The following FBXL13 variants were observed in gnomAD, a reference collection of about 807,000 sequenced individuals.
FBXL13 encodes F-box and leucine rich repeat protein 13.
Under a neutral mutation model 83.6 loss-of-function variants are expected in FBXL13, and 67 were observed. That is an observed-to-expected ratio of 0.80 (90% CI 0.66 to 0.98). FBXL13 has a LOEUF of 0.98. Ranked by LOEUF, FBXL13 falls within the 50% of genes least tolerant of loss-of-function variation. The probability of loss-of-function intolerance (pLI) is 0.00; values close to 1 mark genes in which losing one functional copy is unlikely to be tolerated. For synonymous variants in FBXL13, 272 were observed against 299.5 expected, an observed-to-expected ratio of 0.91 and a Z score of 0.95; for missense variants, 822 against 866.5, an observed-to-expected ratio of 0.95 and a Z score of 0.64.
intron 2 of FBXL13, chr7:103,055,133 C>G: frequency 7.8e-7 from 1 of 1,289,158 alleles, no homozygotes; most frequent in African/African-American, 1.5e-5. Flanking sequence ...AAGTTTCAGA[C>G]AATCTTCGAA....
chr7:102,933,819 T>G, intron 8 of FBXL13: 1 of 1,319,426 alleles, frequency 7.6e-7, no homozygotes, highest in Non-Finnish European at 1.0e-6. Context: ...GTTCCAGAAC[T>G]GCATTAGTTA....
At chr7:102,834,081 G>GAAGGAAGGAAGGAAGGA (rs1801273815) in intron 17 of FBXL13, among the ~76,000 whole-genome samples, 1 of 84,920 alleles carries the variant, frequency 1.2e-5, no homozygotes, top group African/African-American at 5.9e-5. Flanking sequence ...AGGAAGGAAG[G>GAAGGAAGGAAGGAAGGA]AAAGAAAAGA....
At chr7:103,030,470 CAG>C (rs1202827383) in intron 2 of FBXL13, among the ~76,000 whole-genome samples, 2 of 152,070 alleles carry the variant, frequency 1.3e-5, no homozygotes, top group Non-Finnish European at 2.9e-5. Context: ...GATATTACAG[CAG>C]GCAGAATAAA....
chr7:102,852,709 G>A (rs1417251855), intron 17 of FBXL13, among the ~76,000 whole-genome samples: 1 of 152,184 alleles, frequency 6.6e-6, no homozygotes, highest in Non-Finnish European at 1.5e-5. Context: ...CAGGGATGCA[G>A]TGAAAAGGGA....
intron 11 of FBXL13, among the ~76,000 whole-genome samples, chr7:102,903,298 T>A (rs2129466152): frequency 6.6e-6 from 1 of 152,280 alleles, no homozygotes; most frequent in African/African-American, 2.4e-5. Context: ...ATTTATCAGT[T>A]CTAATAGTTT....
intron 2 of FBXL13, among the ~76,000 whole-genome samples, chr7:103,032,786 T>A (rs1212544756): frequency 1.1e-4 from 16 of 152,182 alleles, no homozygotes; most frequent in Admixed American, 1.0e-3. Context: ...TCCCAAAACG[T>A]TGGATGGCTG....
chr7:103,046,281 T>C (rs879733023), intron 2 of FBXL13, among the ~76,000 whole-genome samples: 2 of 152,358 alleles, frequency 1.3e-5, no homozygotes, highest in South Asian at 4.1e-4. Context: ...TTATTTAGCA[T>C]AACTTTCACA....
intron 6 of FBXL13, among the ~76,000 whole-genome samples, chr7:103,000,659 AT>A (rs1347277370): frequency 6.6e-6 from 1 of 152,142 alleles, no homozygotes; most frequent in Non-Finnish European, 1.5e-5. Context: ...TGTCGGCATG[AT>A]TTGTCCATTA....
At chr7:103,033,891 A>G (rs1286153660) in intron 2 of FBXL13, among the ~76,000 whole-genome samples, 1 of 152,114 alleles carries the variant, frequency 6.6e-6, no homozygotes, top group Non-Finnish European at 1.5e-5. Flanking sequence ...CAGGGCGCTG[A>G]TTGGTGTGTT....
At chr7:103,013,600 C>T (rs1260335876) in intron 6 of FBXL13, among the ~76,000 whole-genome samples, 1 of 151,954 alleles carries the variant, frequency 6.6e-6, no homozygotes, top group African/African-American at 2.4e-5. Context: ...AAAAAAGATA[C>T]AAGATATCAG....
chr7:103,062,272 TTGTC>T (rs995561270), intron 1 of FBXL13, among the ~76,000 whole-genome samples: 32 of 152,286 alleles, frequency 2.1e-4, no homozygotes, highest in East Asian at 7.7e-4. Context: ...CAGTCCTTGT[TTGTC>T]TGTAAACAAT....
At chr7:103,022,872 C>A (rs1317717691) in intron 6 of FBXL13, among the ~76,000 whole-genome samples, 4 of 152,142 alleles carry the variant, frequency 2.6e-5, no homozygotes, top group Admixed American at 2.6e-4. Flanking sequence ...AAACTATCAA[C>A]AGAATAAACA....
chr7:102,937,892 A>G (rs1010307173), intron 8 of FBXL13, among the ~76,000 whole-genome samples: 1 of 152,232 alleles, frequency 6.6e-6, no homozygotes, highest in Non-Finnish European at 1.5e-5. Context: ...ACTTGCATAC[A>G]GATTCCCCAA....
chr7:102,811,687 T>C (rs144331235), downstream of FBXL13, among the ~76,000 whole-genome samples: 15 of 152,336 alleles, frequency 9.8e-5, no homozygotes, highest in African/African-American at 3.6e-4. Context: ...ACCAGTTGTG[T>C]GCATGAAGCA....
intron 8 of FBXL13, 23 bp from the exon 10 acceptor site, chr7:102,931,956 C>T (rs754248715): frequency 5.6e-6 from 9 of 1,608,314 alleles, no homozygotes; most frequent in Non-Finnish European, 7.7e-6. Context: ...AGTTACACGT[C>T]ACTAAACTAC....
intron 8 of FBXL13, chr7:102,933,881 A>G: frequency 6.4e-7 from 1 of 1,556,520 alleles, no homozygotes; most frequent in African/African-American, 1.4e-5. Context: ...TCCGTCTGTA[A>G]CACGAAGTAA....
chr7:102,845,693 T>C (rs1465256689), intron 17 of FBXL13, among the ~76,000 whole-genome samples: 1 of 152,202 alleles, frequency 6.6e-6, no homozygotes, highest in Non-Finnish European at 1.5e-5. Flanking sequence ...TCCCTGTTAC[T>C]TCCCTTGTTC....
intron 16 of FBXL13, among the ~76,000 whole-genome samples, chr7:102,867,995 C>T (rs961968438): frequency 6.6e-6 from 1 of 151,876 alleles, no homozygotes; most frequent in African/African-American, 2.4e-5. Context: ...AGCCACCGTG[C>T]CCGGCCAGAT....
intron 2 of FBXL13, among the ~76,000 whole-genome samples, chr7:103,033,540 G>A (rs907595870): frequency 6.6e-6 from 1 of 152,180 alleles, no homozygotes; most frequent in African/African-American, 2.4e-5. Context: ...TCGTGGTCTT[G>A]CTGGCTCAAG....
Sources: gnomAD v4.1 joint callset for allele counts (sites outside exome capture counted in the v4.1 genomes callset) on GRCh38, gnomAD v4.1.1 for gene constraint, MANE v1.5 for transcripts, NCBI Gene and HGNC (gene_info 2026-07-23, HGNC 2026-07-21) for gene names.